Variants in SLA observed in about 807,000 individuals in gnomAD.
SLA encodes the protein Src like adaptor, also known as src-like-adapter.
SLA carries 16 observed loss-of-function variants against 30.3 expected under a neutral mutation model. The observed-to-expected ratio is 0.53, with a 90% CI of 0.36 to 0.80. SLA has a LOEUF of 0.80. Among genes scored for constraint, SLA ranks in the 30% least tolerant of loss-of-function variants. The probability of loss-of-function intolerance (pLI) is 0.01; values close to 1 mark genes in which losing one functional copy is unlikely to be tolerated. For synonymous variants in SLA, 143 were observed against 137.8 expected (o/e 1.04, Z -0.26); for missense variants, 310 against 345.2 (o/e 0.90, Z 0.81).
At chr8:133,100,970 C>G (rs1255763829) in intron 1 of SLA, among the ~76,000 whole-genome samples, 1 of 147,352 alleles carries the variant, frequency 6.8e-6, no homozygotes, top group Non-Finnish European at 1.5e-5. Context: ...GATTTTTTTT[C>G]TGGGAAAGAA....
rs1195442217 is a variant in SLA, at chr8:133,074,992, G to A, written c.-180C>T. Reference sequence around the variant, plus strand: ...GGCTTCTCGCGGTTGTGGAGAAGCAGCCCATGCTACACAGAAGAACTGCAG... The same window carrying A: ...GGCTTCTCGCGGTTGTGGAGAAGCAACCCATGCTACACAGAAGAACTGCAG... On this transcript the variant is annotated 5_prime_UTR_variant, in exon 2 of 9. Transcript: ENST00000338087. 11 of 985,482 alleles carry A rather than the reference G, an allele frequency of 1.1e-5. No individual in the cohort carries two copies. The highest frequency in any genetic ancestry group is 1.3e-5 in the Non-Finnish European group (11 of 829,962). 61.0% of individuals were successfully genotyped at this position (985,482 alleles called of 1,614,324 possible).
chr8:133,096,251 G>A lies in SLA; in HGVS notation c.-319+6302C>T, dbSNP rs766152332. The A allele has an allele frequency of 1.1e-4, 179 of 1,614,088 alleles. 1 individual carries two copies. Among genetic ancestry groups the A allele is most frequent in the Middle Eastern group, 1.6e-4 (1 of 6,084 alleles). On this transcript the variant is annotated intron_variant, in intron 1 of 8. Coordinates refer to ENST00000338087, the MANE Select transcript of SLA (RefSeq NM_001045556.3). ...TTTCCACTACTGGGGTCCTGTGATC[G>A]ATGGCCACTTCCTCCGTGAGCCTCC...
chr8:133,040,184 G>A, intron 7 of SLA, 54 bp from the exon 8 acceptor site: 2 of 1,548,670 alleles, frequency 1.3e-6, no homozygotes, highest in East Asian at 2.4e-5. Flanking sequence ...CTCAGCCAGT[G>A]TGGGGTTCAG....
chr8:133,061,427 A>G (rs1198425794), intron 2 of SLA, among the ~76,000 whole-genome samples: 1 of 152,002 alleles, frequency 6.6e-6, no homozygotes, highest in Non-Finnish European at 1.5e-5. Flanking sequence ...GTGGCATAGA[A>G]TACATGTTAG....
intron 2 of SLA, among the ~76,000 whole-genome samples, chr8:133,062,038 G>A (rs887297982): frequency 2.6e-5 from 4 of 152,182 alleles, no homozygotes; most frequent in Non-Finnish European, 5.9e-5. Context: ...GACCAGGCTC[G>A]CAAAAGCTAT....
intron 1 of SLA, chr8:133,090,249 G>A (rs533990854): frequency 6.6e-6 from 1 of 152,236 alleles, no homozygotes; most frequent in South Asian, 2.1e-4. Flanking sequence ...GTGGTCTGGT[G>A]AGGGCTTAGA....
intron 8 of SLA, among the ~76,000 whole-genome samples, chr8:133,038,959 C>G (rs749405682): frequency 7.2e-5 from 11 of 152,162 alleles, no homozygotes; most frequent in Admixed American, 3.3e-4. Flanking sequence ...CTCACTGCAA[C>G]CTCTGCCTCC....
chr8:133,049,802 G>C, intron 5 of SLA, 100 bp downstream of exon 5: 1 of 851,878 alleles, frequency 1.2e-6, no homozygotes, highest in South Asian at 1.4e-5. Context: ...TTGACCCAGT[G>C]CCTTCCTTAC....
intron 2 of SLA, among the ~76,000 whole-genome samples, chr8:133,064,361 G>A (rs1448978722): frequency 2.6e-5 from 4 of 152,234 alleles, no homozygotes; most frequent in Non-Finnish European, 5.9e-5. Flanking sequence ...ACAGGATCAA[G>A]GGAAGACAGT....
intron 3 of SLA, 27 bp downstream of exon 3, chr8:133,060,073 G>A (rs372988731): frequency 2.6e-6 from 4 of 1,560,806 alleles, no homozygotes; most frequent in Non-Finnish European, 3.4e-6. Context: ...ACAGACTCAA[G>A]CATCTCACCA....
rs58739514 is a variant in SLA at position 133,042,678 on chromosome 8, C to CTTTTTTTTTT, written c.484+2296_484+2305dup. 2.7e-3 allele frequency among the ~76,000 whole-genome samples: 154 copies of CTTTTTTTTTT among 56,744 alleles called. 11 individuals are homozygous for CTTTTTTTTTT. Among genetic ancestry groups the CTTTTTTTTTT allele is most frequent in the Admixed American group, 4.0e-3 (15 of 3,728 alleles). 37.2% of individuals were successfully genotyped at this position (56,744 alleles called of 152,430 possible). A position where few individuals can be genotyped will look rare whatever the true frequency, so the allele number is the denominator to read the frequency against. On this transcript the variant is annotated intron_variant, in intron 7 of 8. Transcript: ENST00000338087. ...GTGCACAATTCCTCTCATTCTGTGTCTTTTTTTTTTTTTTTTTTTTTTTTT... is the reference window on the plus strand; with the variant it reads ...GTGCACAATTCCTCTCATTCTGTGTCTTTTTTTTTTTTTTTTTTTTTTTTTTTTTTTTTTT...
chr8:133,095,017 C>T, intron 1 of SLA: 1 of 1,612,580 alleles, frequency 6.2e-7, no homozygotes, highest in South Asian at 1.1e-5. Flanking sequence ...TCTGAACCAT[C>T]TGCCCTGAGC....
In SLA at chr8:133,038,443, G is replaced by A; in HGVS notation, c.*81C>T. On this transcript the variant is annotated 3_prime_UTR_variant, in exon 9 of 9. Transcript: ENST00000338087. ...ATACGTGAGGCTCCCAGGGATCAGG[G>A]AACCTCGCTTTTCGCAAGATCCCAG... The A allele has an allele frequency of 8.9e-7, 1 of 1,128,518 alleles. No homozygotes were observed. The highest frequency in any genetic ancestry group is 1.7e-5 in the Admixed American group (1 of 57,194). 69.9% of individuals were successfully genotyped at this position (1,128,518 alleles called of 1,614,324 possible).
chr8:133,079,171 C>T (rs1218160797), intron 1 of SLA, among the ~76,000 whole-genome samples: 2 of 152,196 alleles, frequency 1.3e-5, no homozygotes, highest in African/African-American at 4.8e-5. Context: ...AGGCCAGGCT[C>T]TGCTGTACTG....
chr8:133,076,773 A>C (rs1284182816), intron 1 of SLA: 2 of 151,570 alleles, frequency 1.3e-5, no homozygotes, highest in African/African-American at 2.4e-5. Context: ...AAAAAAAAAA[A>C]AAAAAACAAC....
intron 3 of SLA, among the ~76,000 whole-genome samples, chr8:133,058,758 G>A (rs1312656960): frequency 1.3e-5 from 2 of 152,256 alleles, no homozygotes; most frequent in Non-Finnish European, 2.9e-5. Flanking sequence ...GAGGGCTGCT[G>A]TCCTGAGAGC....
chr8:133,046,798 G>A (rs1270927673), intron 6 of SLA, among the ~76,000 whole-genome samples: 1 of 152,162 alleles, frequency 6.6e-6, no homozygotes, highest in Admixed American at 6.5e-5. Flanking sequence ...AAAGTTGATC[G>A]CAGATTTTTT....
intron 2 of SLA, among the ~76,000 whole-genome samples, chr8:133,062,294 G>C (rs1009606820): frequency 2.0e-5 from 3 of 152,238 alleles, no homozygotes; most frequent in Non-Finnish European, 2.9e-5. Flanking sequence ...AGCTGGGCAG[G>C]TTCTAACAGC....
At chr8:133,094,790 G>T (rs557080151) in intron 1 of SLA, 2 of 567,696 alleles carry the variant, frequency 3.5e-6, no homozygotes, top group East Asian at 3.1e-5. Flanking sequence ...CAAGACTGAA[G>T]GTTCCCTTGT....
Sources: gnomAD v4.1 joint callset for allele counts (sites outside exome capture counted in the v4.1 genomes callset) on GRCh38, gnomAD v4.1.1 for gene constraint, MANE v1.5 for transcripts, NCBI Gene and HGNC (gene_info 2026-07-23, HGNC 2026-07-21) for gene names.